Variants in SPEF2 observed in about 807,000 individuals in gnomAD.
The protein encoded by SPEF2 is sperm flagella and cilia-associated protein 2.
Under a neutral mutation model 224.6 loss-of-function variants are expected in SPEF2, and 187 were observed. That is an observed-to-expected ratio of 0.83 (90% CI 0.74 to 0.94). The LOEUF (loss-of-function observed/expected upper bound fraction) is 0.94. Ranked by LOEUF, SPEF2 falls within the 40% of genes least tolerant of loss-of-function variation. The probability of loss-of-function intolerance (pLI) is 0.00; values close to 1 mark genes in which losing one functional copy is unlikely to be tolerated. For synonymous variants in SPEF2, 715 were observed against 707.3 expected (o/e 1.01, Z -0.17); for missense variants, 2,170 against 2,135.6 (o/e 1.02, Z -0.32).
At chr5:35,751,096 C>CGT (rs1749556033) in intron 23 of SPEF2, among the ~76,000 whole-genome samples, 94 of 30,568 alleles carry the variant, frequency 3.1e-3, no homozygotes, top group East Asian at 7.8e-3. Flanking sequence ...CACACACACA[C>CGT]ATATATATAT....
At chr5:35,725,671 CTAT>C (rs1008875287) in intron 20 of SPEF2, among the ~76,000 whole-genome samples, 1 of 152,084 alleles carries the variant, frequency 6.6e-6, no homozygotes, top group Admixed American at 6.6e-5. Flanking sequence ...CACTGAGTTC[CTAT>C]TATTATCTCT....
intron 17 of SPEF2, among the ~76,000 whole-genome samples, chr5:35,704,874 G>T (rs556826840): frequency 2.6e-5 from 4 of 151,982 alleles, no homozygotes; most frequent in Admixed American, 1.3e-4. Context: ...AAAAAAAGAA[G>T]AATTAAATCA....
At chr5:35,758,042 T>G (rs962871350) in intron 24 of SPEF2, among the ~76,000 whole-genome samples, 1 of 152,206 alleles carries the variant, frequency 6.6e-6, no homozygotes, top group Non-Finnish European at 1.5e-5. Flanking sequence ...TGTTGTAGAC[T>G]GCAACAAAAA....
chr5:35,702,447 T>C (rs1325688145), intron 16 of SPEF2: 4 of 404,948 alleles, frequency 9.9e-6, no homozygotes, highest in Non-Finnish European at 2.0e-5. Flanking sequence ...TGTTTAGCCA[T>C]TGGTCAGCCT....
intron 23 of SPEF2, among the ~76,000 whole-genome samples, chr5:35,741,119 CCA>C (rs1747554432): frequency 6.6e-6 from 1 of 152,116 alleles, no homozygotes; most frequent in Admixed American, 6.5e-5. Flanking sequence ...AAATCTGTGA[CCA>C]CAGAGTGTTT....
intron 7 of SPEF2, among the ~76,000 whole-genome samples, chr5:35,657,673 G>T (rs1268241848): frequency 4.6e-5 from 7 of 152,074 alleles, no homozygotes; most frequent in African/African-American, 1.4e-4. Context: ...GTCTGAAGGG[G>T]AGTTAGTGAG....
chr5:35,797,279 G>A (rs572007117), intron 33 of SPEF2, among the ~76,000 whole-genome samples: 12 of 151,000 alleles, frequency 7.9e-5, no homozygotes, highest in East Asian at 3.9e-4. Flanking sequence ...TGTGGAGACT[G>A]AGCAAAACAT....
At chr5:35,749,106 A>G (rs1430477639) in intron 23 of SPEF2, among the ~76,000 whole-genome samples, 1 of 151,994 alleles carries the variant, frequency 6.6e-6, no homozygotes, top group African/African-American at 2.4e-5. Context: ...ATGCAGAAAA[A>G]GATGCATCAA....
chr5:35,663,283 C>G (rs113934885), intron 8 of SPEF2, among the ~76,000 whole-genome samples: 3,651 of 152,198 alleles, frequency 0.024, 121 homozygotes, highest in East Asian at 0.066. Flanking sequence ...AGACAGATGA[C>G]CCATGCAGTT....
chr5:35,712,043 T>A (rs192166265), intron 19 of SPEF2, among the ~76,000 whole-genome samples: 6 of 152,138 alleles, frequency 3.9e-5, no homozygotes, highest in African/African-American at 1.4e-4. Context: ...TCCCTTCCAA[T>A]ATATTTCTGA....
chr5:35,757,358 A>G (rs1188867028), intron 24 of SPEF2, among the ~76,000 whole-genome samples: 1 of 152,148 alleles, frequency 6.6e-6, no homozygotes, highest in Non-Finnish European at 1.5e-5. Context: ...ATTGTATAAA[A>G]GAAGCTCTAC....
rs188572187 is a variant in SPEF2 at position 35,671,370 on chromosome 5, T to G, written c.1524+1143T>G. The G allele has an allele frequency of 6.2e-5, 60 of 961,084 alleles. No homozygotes were observed. The African/African-American group carries it at 1.0e-3, about 16-fold the overall frequency. 59.5% of individuals were successfully genotyped at this position (961,084 alleles called of 1,614,324 possible). On this transcript the variant is annotated intron_variant, in intron 10 of 36. Coordinates refer to ENST00000356031, the MANE Select transcript of SPEF2 (RefSeq NM_024867.4). ...TATATTTTAATTAAATGAATCTGTA[T>G]TTGTAGCACTAAGAGAATTATTATT...
chr5:35,779,916 C>T (rs897307479), intron 30 of SPEF2, among the ~76,000 whole-genome samples: 12 of 152,202 alleles, frequency 7.9e-5, no homozygotes, highest in Non-Finnish European at 2.9e-5. Flanking sequence ...GGACCTACAG[C>T]ATCTGCACAG....
At chr5:35,666,555 T>G (rs1333160952) in intron 8 of SPEF2, among the ~76,000 whole-genome samples, 1 of 152,208 alleles carries the variant, frequency 6.6e-6, no homozygotes, top group Admixed American at 6.5e-5. Flanking sequence ...ATGTGTTATA[T>G]TCTCAAGCCA....
chr5:35,781,850 G>A (rs1031824534), intron 30 of SPEF2, among the ~76,000 whole-genome samples: 45 of 152,038 alleles, frequency 3.0e-4, no homozygotes, highest in Non-Finnish European at 2.4e-4. Context: ...CAGGAGTAAC[G>A]TTCATTGTTA....
intron 21 of SPEF2, among the ~76,000 whole-genome samples, chr5:35,733,102 T>TTTTTTTG (rs548480244): frequency 7.1e-4 from 107 of 150,608 alleles, no homozygotes; most frequent in Non-Finnish European, 1.2e-3. Context: ...AACACAGGTT[T>TTTTTTTG]TTTTTTGTTT....
intron 27 of SPEF2, among the ~76,000 whole-genome samples, chr5:35,772,711 G>A (rs1191658914): frequency 6.6e-6 from 1 of 152,158 alleles, no homozygotes; most frequent in East Asian, 1.9e-4. Flanking sequence ...TCAAGTGGCA[G>A]GAATAAGGGA....
At chr5:35,726,890 C>T (rs764423581) in intron 20 of SPEF2, among the ~76,000 whole-genome samples, 1 of 152,084 alleles carries the variant, frequency 6.6e-6, no homozygotes, top group African/African-American at 2.4e-5. Flanking sequence ...TCTAGATTCC[C>T]CTCTTGATGT....
At chr5:35,675,571 T>C (rs998051604) in intron 10 of SPEF2, 3 of 156,644 alleles carry the variant, frequency 1.9e-5, no homozygotes, top group African/African-American at 7.3e-5. Context: ...CTCTCGCTCT[T>C]GCTCTGTCGC....
Sources: gnomAD v4.1 joint callset for allele counts (sites outside exome capture counted in the v4.1 genomes callset) on GRCh38, gnomAD v4.1.1 for gene constraint, MANE v1.5 for transcripts, NCBI Gene and HGNC (gene_info 2026-07-23, HGNC 2026-07-21) for gene names.